SP100: variants seen among roughly 807,000 people sequenced by gnomAD.
The protein encoded by SP100 is SP100 nuclear body protein, also known as nuclear autoantigen Sp-100.
A neutral mutation model predicts 130.0 loss-of-function variants in SP100; 84 were observed. The ratio of observed to expected loss-of-function variants is 0.65; its 90% CI spans 0.54 to 0.77. The LOEUF (loss-of-function observed/expected upper bound fraction) is 0.77, where lower values mean the gene tolerates loss of function less well. Ranked by LOEUF, SP100 falls within the 30% of genes least tolerant of loss-of-function variation. The pLI is 0.00. For synonymous variants in SP100, 331 were observed against 351.7 expected (o/e 0.94, Z 0.66); for missense variants, 978 against 1,052.2 (o/e 0.93, Z 0.97).
Position 230,434,667 on chromosome 2 carries a change from A to G in SP100, c.108-8270A>G, listed in dbSNP as rs114158181. On this transcript the variant is annotated intron_variant, in intron 2 of 28. Transcript: ENST00000340126. The stretch of plus-strand genomic sequence containing the variant: ...GCAGGCTAAGGGGATTGTGATTGTG[A>G]TTTTTAGATAGGTTGGTCAAAGCAG... Among the ~76,000 whole-genome samples the G allele has an allele frequency of 2.7e-3, 417 of 152,142 alleles. 1 individual carries two copies. The highest frequency in any genetic ancestry group is 9.6e-3 in the African/African-American group (400 of 41,498).
At chr2:230,518,284 A>G (rs1193184465) in intron 24 of SP100, among the ~76,000 whole-genome samples, 1 of 152,042 alleles carries the variant, frequency 6.6e-6, no homozygotes, top group East Asian at 1.9e-4. Context: ...TTTCTCAGTA[A>G]AGAACATATT....
chr2:230,453,227 AACTC>A (rs1178694635), intron 8 of SP100, among the ~76,000 whole-genome samples: 5 of 152,276 alleles, frequency 3.3e-5, no homozygotes, highest in East Asian at 1.9e-4. Flanking sequence ...ATCTTGTGAG[AACTC>A]ACTCACTGTT....
At chr2:230,515,966 G>A in intron 24 of SP100, 1 of 1,028,076 alleles carries the variant, frequency 9.7e-7, no homozygotes, top group Non-Finnish European at 1.2e-6. Context: ...TGTCTCTGAT[G>A]TAGCTTATAC....
chr2:230,500,100 A>G (rs1360958825), intron 19 of SP100, among the ~76,000 whole-genome samples: 2 of 152,162 alleles, frequency 1.3e-5, no homozygotes, highest in Admixed American at 1.3e-4. Flanking sequence ...AAACACGGTG[A>G]TATACTCTTT....
intron 24 of SP100, among the ~76,000 whole-genome samples, chr2:230,530,217 G>T (rs567378847): frequency 9.5e-4 from 144 of 152,224 alleles, no homozygotes; most frequent in African/African-American, 3.4e-3. Flanking sequence ...GCATGGTACT[G>T]GTACCAAAAC....
chr2:230,508,269 C>A, intron 23 of SP100: 2 of 421,524 alleles, frequency 4.7e-6, no homozygotes, highest in Admixed American at 4.4e-5. Flanking sequence ...AAAGACAGAA[C>A]TGAATTGTAT....
rs373164643 is a variant in SP100, at chr2:230,419,327, C to G, written c.107+1662C>G. On this transcript the variant is annotated intron_variant, in intron 2 of 28. Transcript: ENST00000340126. ...AAATCTCATGCTGTCCCTCTCCATC[C>G]TGCCCAGGATGTGAACCATCCCTTT... 4.6e-5 allele frequency among the ~76,000 whole-genome samples: 7 copies of G among 152,288 alleles called. 1 individual carries two copies. The East Asian group carries it at 1.2e-3, about 25-fold the overall frequency.
chr2:230,499,670 C>G (rs910608434), intron 19 of SP100, among the ~76,000 whole-genome samples: 1 of 150,792 alleles, frequency 6.6e-6, no homozygotes, highest in Admixed American at 6.6e-5. Context: ...AGGTCTGCAC[C>G]AGACCATGGG....
At chr2:230,422,091 C>T (rs2062784132) in intron 2 of SP100, among the ~76,000 whole-genome samples, 2 of 152,008 alleles carry the variant, frequency 1.3e-5, no homozygotes. Flanking sequence ...TTCTGAGGAA[C>T]TTCATTCCTT....
Position 230,470,046 on chromosome 2 carries a change from T to A in SP100, c.1377T>A (p.Ser459Arg), listed in dbSNP as rs772359161. 1.2e-6 allele frequency: 2 copies of A among 1,612,712 alleles called. No individual in the cohort carries two copies. The highest frequency in any genetic ancestry group is 1.7e-6 in the Non-Finnish European group (2 of 1,179,282). Residue 459 changes from serine to arginine, a missense_variant, in exon 15 of 29, where the codon AGT becomes AGA. Transcript: ENST00000340126. ...RFSSSDFSDL[S>R]NGEELQETCS... ...GCAGTAGTGACTTTTCAGACCTGAG[T>A]AATGGAGAAGAGCTTCAGGAAACCT...
chr2:230,504,656 A>G (rs2067219273), intron 21 of SP100, among the ~76,000 whole-genome samples: 1 of 152,190 alleles, frequency 6.6e-6, no homozygotes, highest in South Asian at 2.1e-4. Context: ...TTAGGAGTCC[A>G]GGGTTTTTAC....
At chr2:230,513,137 A>G (rs575259310) in intron 24 of SP100, among the ~76,000 whole-genome samples, 117 of 152,338 alleles carry the variant, frequency 7.7e-4, no homozygotes, top group African/African-American at 2.8e-3. Flanking sequence ...CTTATCCCGG[A>G]AGTTGGAAAC....
At chr2:230,505,533 GAAC>G (rs1312370698) in intron 21 of SP100, among the ~76,000 whole-genome samples, 1 of 151,696 alleles carries the variant, frequency 6.6e-6, no homozygotes, top group Non-Finnish European at 1.5e-5. Context: ...TACAAAATCA[GAAC>G]AATAATATAA....
chr2:230,459,017 A>T lies in SP100; in HGVS notation c.821-2245A>T, dbSNP rs561980087. Among the ~76,000 whole-genome samples, 92 of 152,280 alleles carry T rather than the reference A, an allele frequency of 6.0e-4. 2 individuals carry two copies. In the South Asian group the frequency reaches 0.011, roughly 17 times the overall value. On this transcript the variant is annotated intron_variant, in intron 8 of 28. Transcript: ENST00000340126. ...AGCATGTAAGGAGACCTCACTTGGCATGTGAGACTGAGCTTCCTTAAATTT... is the reference window on the plus strand; with the variant it reads ...AGCATGTAAGGAGACCTCACTTGGCTTGTGAGACTGAGCTTCCTTAAATTT...
intron 9 of SP100, among the ~76,000 whole-genome samples, chr2:230,461,819 C>T (rs1278016608): frequency 1.3e-5 from 2 of 151,880 alleles, no homozygotes; most frequent in Non-Finnish European, 2.9e-5. Flanking sequence ...CAAGGTGACA[C>T]ATGTCTGTAG....
At chr2:230,474,982 C>T (rs1468147408) in intron 17 of SP100, among the ~76,000 whole-genome samples, 4 of 151,388 alleles carry the variant, frequency 2.6e-5, no homozygotes, top group Non-Finnish European at 5.9e-5. Flanking sequence ...GTGAATAGCA[C>T]TATAAGGAAC....
chr2:230,512,483 T>C (rs888364601), intron 24 of SP100, among the ~76,000 whole-genome samples: 1 of 151,484 alleles, frequency 6.6e-6, no homozygotes, highest in Non-Finnish European at 1.5e-5. Context: ...AGAGACAGGG[T>C]TTTGTCATGC....
At chr2:230,437,719 T>C (rs776913090) in intron 2 of SP100, among the ~76,000 whole-genome samples, 218 of 151,934 alleles carry the variant, frequency 1.4e-3, no homozygotes, top group Middle Eastern at 6.8e-3. Context: ...CCACCATGCC[T>C]GGCTAATTTT....
Position 230,461,362 on chromosome 2 carries a change from T to C in SP100, c.921T>C (p.Val307=). 5.6e-6 allele frequency: 9 copies of C among 1,614,152 alleles called. No homozygotes were observed. The highest frequency in any genetic ancestry group is 7.6e-6 in the Non-Finnish European group (9 of 1,180,016). ...KKEKPFSNSK[V]ECQAQARTHH... ...AAAAGCCATTTTCTAATTCAAAAGT[T>C]GAGTGCCAAGCCCAAGCAAGAACTC... Residue 307 remains valine, a synonymous_variant, in exon 9 of 29, where the codon GTT becomes GTC. Transcript: ENST00000340126.
Sources: gnomAD v4.1 joint callset for allele counts (sites outside exome capture counted in the v4.1 genomes callset) on GRCh38, gnomAD v4.1.1 for gene constraint, MANE v1.5 for transcripts, NCBI Gene and HGNC (gene_info 2026-07-23, HGNC 2026-07-21) for gene names.